Variants in NAALADL2 observed in about 807,000 individuals in gnomAD.
NAALADL2 encodes the protein inactive N-acetylated-alpha-linked acidic dipeptidase-like protein 2.
Under a neutral mutation model 87.2 loss-of-function variants are expected in NAALADL2, and 76 were observed. That is an observed-to-expected ratio of 0.87 (90% CI 0.72 to 1.05). NAALADL2 has a LOEUF of 1.05. Ranked by LOEUF, NAALADL2 falls within the 50% of genes least tolerant of loss-of-function variation. The pLI is 0.00. For synonymous variants in NAALADL2, 354 were observed against 331.0 expected, an observed-to-expected ratio of 1.07 and a Z score of -0.75; for missense variants, 1,089 against 945.8, an observed-to-expected ratio of 1.15 and a Z score of -1.99.
At chr3:175,625,703 G>T (rs575457123) in intron 10 of NAALADL2, among the ~76,000 whole-genome samples, 1 of 152,022 alleles carries the variant, frequency 6.6e-6, no homozygotes, top group East Asian at 1.9e-4. Flanking sequence ...AAATAAACCT[G>T]GGTTTGAACC....
intron 9 of NAALADL2, among the ~76,000 whole-genome samples, chr3:175,568,185 A>T (rs1241407744): frequency 6.6e-6 from 1 of 152,050 alleles, no homozygotes; most frequent in Non-Finnish European, 1.5e-5. Context: ...ATTTAGAATA[A>T]CTTCTAGTAT....
intron 1 of NAALADL2, among the ~76,000 whole-genome samples, chr3:174,942,521 C>T (rs537411365): frequency 6.6e-6 from 1 of 152,244 alleles, no homozygotes; most frequent in Non-Finnish European, 1.5e-5. Flanking sequence ...TGGGGATGAT[C>T]TTCTTGTGTA....
At chr3:175,781,331 A>C (rs1751035455) in intron 13 of NAALADL2, among the ~76,000 whole-genome samples, 1 of 152,170 alleles carries the variant, frequency 6.6e-6, no homozygotes, top group South Asian at 2.1e-4. Context: ...CACATATACT[A>C]TAGTGGTCTC....
At chr3:175,151,058 C>T (rs1312404768) in intron 2 of NAALADL2, among the ~76,000 whole-genome samples, 1 of 152,160 alleles carries the variant, frequency 6.6e-6, no homozygotes, top group East Asian at 1.9e-4. Flanking sequence ...ATGAATCATA[C>T]TTACCAAAAT....
At chr3:174,642,242 T>C (rs1461168781) in intron 2 of NAALADL2, among the ~76,000 whole-genome samples, 1 of 152,086 alleles carries the variant, frequency 6.6e-6, no homozygotes, top group Non-Finnish European at 1.5e-5. Context: ...GGCTCACACC[T>C]GTAATCCCAG....
chr3:175,530,205 A>C (rs2149442339), intron 9 of NAALADL2, among the ~76,000 whole-genome samples: 1 of 152,318 alleles, frequency 6.6e-6, no homozygotes, highest in African/African-American at 2.4e-5. Context: ...CTCGATTATT[A>C]AAATCCTCCT....
At chr3:175,693,298 G>C (rs928317478) in intron 11 of NAALADL2, among the ~76,000 whole-genome samples, 5 of 152,232 alleles carry the variant, frequency 3.3e-5, no homozygotes, top group Admixed American at 2.6e-4. Context: ...ATCTATTACA[G>C]TGGCCTAAAT....
intron 1 of NAALADL2, among the ~76,000 whole-genome samples, chr3:174,997,772 G>T (rs1241710687): frequency 2.0e-5 from 3 of 151,846 alleles, no homozygotes; most frequent in Non-Finnish European, 4.4e-5. Context: ...AGCCAAGATT[G>T]TTCCACTTTA....
intron 3 of NAALADL2, among the ~76,000 whole-genome samples, chr3:175,251,002 G>T (rs548196511): frequency 6.6e-6 from 1 of 152,276 alleles, no homozygotes; most frequent in African/African-American, 2.4e-5. Flanking sequence ...CAACCTATCT[G>T]ATTTGGTTTC....
At chr3:174,634,219 T>G (rs1320120756) in intron 2 of NAALADL2, among the ~76,000 whole-genome samples, 1 of 152,138 alleles carries the variant, frequency 6.6e-6, no homozygotes, top group East Asian at 1.9e-4. Flanking sequence ...CCTTTCCTGT[T>G]CCCTCTCTTC....
At chr3:174,497,010 A>G (rs1186712165) in intron 1 of NAALADL2, among the ~76,000 whole-genome samples, 2 of 152,168 alleles carry the variant, frequency 1.3e-5, no homozygotes, top group Non-Finnish European at 2.9e-5. Flanking sequence ...AAAAATGTGT[A>G]ATTACATTTA....
At chr3:175,081,709 TTAACC>T (rs1323231581) in intron 1 of NAALADL2, among the ~76,000 whole-genome samples, 1 of 152,186 alleles carries the variant, frequency 6.6e-6, no homozygotes, top group African/African-American at 2.4e-5. Flanking sequence ...GAAGCCCTCT[TTAACC>T]TAACCATTTC....
intron 9 of NAALADL2, among the ~76,000 whole-genome samples, chr3:175,502,915 A>AT (rs955056094): frequency 5.3e-5 from 7 of 132,390 alleles, no homozygotes; most frequent in Non-Finnish European, 9.3e-5. Context: ...TTTTAATGAG[A>AT]TTTTTTTTCT....
Position 175,430,125 on chromosome 3 carries a change from A to G in NAALADL2, c.1091-17104A>G, listed in dbSNP as rs1015562471. Among the ~76,000 whole-genome samples the G allele has an allele frequency of 2.0e-4, 31 of 151,994 alleles. 3 individuals carry two copies. Among genetic ancestry groups the G allele is most frequent in the Admixed American group, 1.4e-3 (21 of 15,220 alleles). ...AATTCCCTGCCATCCTCCAAAGAGA[A>G]ACAGTGATTATTATTCTGTGGATCC... On this transcript the variant is annotated intron_variant, in intron 5 of 13. Coordinates refer to ENST00000454872, the MANE Select transcript of NAALADL2 (RefSeq NM_207015.3).
intron 10 of NAALADL2, among the ~76,000 whole-genome samples, chr3:175,587,911 C>T (rs1720772841): frequency 1.3e-5 from 2 of 152,080 alleles, no homozygotes; most frequent in African/African-American, 2.4e-5. Flanking sequence ...AGATGTGATA[C>T]ACCTGGAGAT....
chr3:174,780,207 C>G (rs1715767449), intron 3 of NAALADL2, among the ~76,000 whole-genome samples: 1 of 152,022 alleles, frequency 6.6e-6, no homozygotes, highest in South Asian at 2.1e-4. Context: ...AGTTGTATTC[C>G]TGCAAATTCC....
At chr3:175,491,180 AATAGTATTTTATTGTCCT>A (rs1174022155) in intron 9 of NAALADL2, among the ~76,000 whole-genome samples, 1 of 42,722 alleles carries the variant, frequency 2.3e-5, no homozygotes, top group Non-Finnish European at 8.2e-5. Flanking sequence ...TGTCCTATAA[AATAGTATTTTATTGTCCT>A]ATAAATATAA....
intron 2 of NAALADL2, among the ~76,000 whole-genome samples, chr3:174,656,225 G>A (rs1207627522): frequency 6.6e-6 from 1 of 152,146 alleles, no homozygotes; most frequent in Non-Finnish European, 1.5e-5. Flanking sequence ...CCCTGAAGTA[G>A]GTGAAGCTCT....
chr3:175,047,508 CT>C, intron 1 of NAALADL2, among the ~76,000 whole-genome samples: 1 of 152,176 alleles, frequency 6.6e-6, no homozygotes, highest in East Asian at 1.9e-4. Flanking sequence ...TGAGAAATCA[CT>C]TTCCAATAAT....
Sources: allele counts gnomAD v4.1 joint callset (sites outside exome capture counted in the v4.1 genomes callset), GRCh38; gene constraint gnomAD v4.1.1; transcripts MANE v1.5; gene names NCBI Gene and HGNC (gene_info 2026-07-23, HGNC 2026-07-21).